ARHGAP22: variants seen among roughly 807,000 people sequenced by gnomAD.
ARHGAP22 encodes Rho GTPase activating protein 22, also known as rho GTPase-activating protein 22.
ARHGAP22 carries 48 observed loss-of-function variants against 59.1 expected under a neutral mutation model. That is an observed-to-expected ratio of 0.81 (90% CI 0.64 to 1.03). The LOEUF is 1.03. Among genes scored for constraint, ARHGAP22 ranks in the 50% least tolerant of loss-of-function variants. ARHGAP22 has a pLI of 0.00. For missense variants in ARHGAP22, 1,015 were observed against 958.7 expected (o/e 1.06, Z -0.78); for synonymous variants, 445 against 416.4 (o/e 1.07, Z -0.84).
intron 4 of ARHGAP22, among the ~76,000 whole-genome samples, chr10:48,465,653 A>G (rs1020334503): frequency 9.9e-5 from 15 of 152,246 alleles, no homozygotes; most frequent in African/African-American, 3.4e-4. Flanking sequence ...ATCCCGGAGC[A>G]GAGTGCAGCT....
chr10:48,474,656 G>A (rs1007405796), intron 4 of ARHGAP22, among the ~76,000 whole-genome samples: 3 of 110,840 alleles, frequency 2.7e-5, no homozygotes. Context: ...AGTTTCTGGA[G>A]TGTTTTAATC....
At chr10:48,528,844 C>A (rs2054569681) in intron 3 of ARHGAP22, among the ~76,000 whole-genome samples, 1 of 152,082 alleles carries the variant, frequency 6.6e-6, no homozygotes. Context: ...TACTTTCTTG[C>A]CATGGGACAC....
chr10:48,599,448 T>C (rs904338543), intron 1 of ARHGAP22, among the ~76,000 whole-genome samples: 8 of 152,358 alleles, frequency 5.3e-5, no homozygotes, highest in African/African-American at 1.9e-4. Context: ...GGTAAGTGCA[T>C]GAAGAGTTAA....
At chr10:48,654,652 A>G (rs1176908748), upstream of ARHGAP22, among the ~76,000 whole-genome samples, 5 of 145,358 alleles carry the variant, frequency 3.4e-5, no homozygotes, top group Admixed American at 2.8e-4. Flanking sequence ...GATAAGATAC[A>G]TGAGACTGCC....
intron 1 of ARHGAP22, among the ~76,000 whole-genome samples, chr10:48,640,897 G>A (rs2062016848): frequency 6.6e-6 from 1 of 152,032 alleles, no homozygotes; most frequent in Admixed American, 6.5e-5. Flanking sequence ...TTATAACAGT[G>A]TATTTTTGGG....
chr10:48,459,903 G>GCACAA lies in ARHGAP22; in HGVS notation c.452-13_452-12insTTGTG. On this transcript the variant is annotated splice_polypyrimidine_tract_variant and intron_variant, in intron 4 of 9. Transcript: ENST00000249601. ...CTGCCCAAAGATCCCTGAGCACAGA[G>GCACAA]AGGAGCTAGTCACACCCTCCACCAC... 1.2e-6 allele frequency: 2 copies of GCACAA among 1,609,990 alleles called. No individual in the cohort carries two copies. The highest frequency in any genetic ancestry group is 1.7e-6 in the Non-Finnish European group (2 of 1,178,864).
intron 1 of ARHGAP22, among the ~76,000 whole-genome samples, chr10:48,593,720 G>A (rs143568037): frequency 1.2e-4 from 18 of 152,330 alleles, no homozygotes; most frequent in East Asian, 5.8e-4. Context: ...CTTATGAATC[G>A]TTTATTTCTG....
chr10:48,450,353 G>A lies in ARHGAP22; in HGVS notation c.1776C>T (p.His592=), dbSNP rs774487178. 31 of 1,589,276 alleles carry A rather than the reference G, an allele frequency of 2.0e-5. No homozygotes were observed. The South Asian group carries it at 3.2e-4, about 16-fold the overall frequency. Residue 592 remains histidine (H), a synonymous_variant, in exon 9 of 10, where the codon CAC becomes CAT. Coordinates refer to ENST00000249601, the MANE Select transcript of ARHGAP22 (RefSeq NM_021226.4). ...CCTGTAAGGCCTCGGAGCGGCGCGCGTGTTCCCGGGTGGGGCTGTCCGGCT... is the reference window on the plus strand; with the variant it reads ...CCTGTAAGGCCTCGGAGCGGCGCGCATGTTCCCGGGTGGGGCTGTCCGGCT... ...PSEPDSPTRE[H]ARRSEALQGL...
intron 2 of ARHGAP22, among the ~76,000 whole-genome samples, chr10:48,559,717 T>C (rs966194954): frequency 6.6e-6 from 1 of 152,236 alleles, no homozygotes; most frequent in African/African-American, 2.4e-5. Flanking sequence ...CACTTTTCTA[T>C]TGGGTTGTCT....
intron 3 of ARHGAP22, among the ~76,000 whole-genome samples, chr10:48,530,565 T>A (rs2054744470): frequency 6.6e-6 from 1 of 151,638 alleles, no homozygotes; most frequent in Non-Finnish European, 1.5e-5. Flanking sequence ...CTCAAACAAA[T>A]CAACAAGAAG....
chr10:48,491,674 T>A (rs2050404153), intron 3 of ARHGAP22, among the ~76,000 whole-genome samples: 2 of 152,386 alleles, frequency 1.3e-5, no homozygotes, highest in East Asian at 1.9e-4. Context: ...CAAAGGAGAC[T>A]GGCACACGTG....
At chr10:48,436,453 A>T in the ARHGAP22 span, 1 of 152,194 alleles carries the variant, frequency 6.6e-6, no homozygotes, top group Non-Finnish European at 1.5e-5. Context: ...CGTTGTCTGT[A>T]ATAGACCCAG....
chr10:48,493,603 T>G (rs773916984), intron 3 of ARHGAP22: 44 of 1,474,324 alleles, frequency 3.0e-5, no homozygotes, highest in Non-Finnish European at 3.3e-5. Context: ...CTGCGGCCAC[T>G]CGGCTGCCTG....
chr10:48,580,419 G>A (rs1053107582), intron 2 of ARHGAP22, among the ~76,000 whole-genome samples: 2 of 152,178 alleles, frequency 1.3e-5, no homozygotes, highest in Non-Finnish European at 2.9e-5. Flanking sequence ...ACGTGGGGAA[G>A]CCTGTGGCAG....
intron 2 of ARHGAP22, among the ~76,000 whole-genome samples, chr10:48,555,761 T>A (rs1203162260): frequency 6.6e-6 from 1 of 152,152 alleles, no homozygotes; most frequent in African/African-American, 2.4e-5. Context: ...GACACTGTAG[T>A]CTGCATACAT....
At chr10:48,520,886 G>A (rs1453972177) in intron 3 of ARHGAP22, among the ~76,000 whole-genome samples, 4 of 152,082 alleles carry the variant, frequency 2.6e-5, no homozygotes, top group Admixed American at 1.3e-4. Flanking sequence ...CCTGCCCCTC[G>A]CTGCCCTGGA....
intron 3 of ARHGAP22, among the ~76,000 whole-genome samples, chr10:48,555,003 T>A (rs945865332): frequency 6.6e-6 from 1 of 152,340 alleles, no homozygotes; most frequent in Middle Eastern, 3.4e-3. Flanking sequence ...TTTAAAATAT[T>A]GTTTTGTAAC....
At position 48,583,075 on chromosome 10, in the gene ARHGAP22, C is replaced by A. The variant is rs551965474; in HGVS notation, c.112G>T (p.Val38Leu). Reference protein sequence around the residue: ...RMPCPHRLGPVLKAGWLKKQR... With the variant: ...RMPCPHRLGPLLKAGWLKKQR... ...TTCTTCAGCCAGCCCGCCTTCAGCACGGGGCCCAGCCTGTGAGGGCACGGC... is the reference window on the plus strand; with the variant it reads ...TTCTTCAGCCAGCCCGCCTTCAGCAAGGGGCCCAGCCTGTGAGGGCACGGC... The change falls in exon 2 of 10, where the codon GTG (valine) becomes TTG (leucine). Residue 38 changes from valine (V) to leucine (L), a missense_variant. Physicochemically the swap from Val to Leu is conservative, Grantham distance 32. Transcript: ENST00000249601. 1.2e-6 allele frequency: 2 copies of A among 1,614,278 alleles called. No individual in the cohort carries two copies. Among genetic ancestry groups the A allele is most frequent in the East Asian group, 2.2e-5 (1 of 44,888 alleles).
At chr10:48,621,580 C>T (rs1333965565) in intron 1 of ARHGAP22, among the ~76,000 whole-genome samples, 1 of 152,104 alleles carries the variant, frequency 6.6e-6, no homozygotes, top group Non-Finnish European at 1.5e-5. Context: ...TCTATTCATC[C>T]CTAGATATTA....
Sources: gnomAD v4.1 joint callset for allele counts (sites outside exome capture counted in the v4.1 genomes callset) on GRCh38, gnomAD v4.1.1 for gene constraint, MANE v1.5 for transcripts, NCBI Gene and HGNC (gene_info 2026-07-23, HGNC 2026-07-21) for gene names.